Variants in CENPW observed in about 807,000 individuals in gnomAD.
The protein encoded by CENPW is cancer-up-regulated gene 2 protein.
Under a neutral mutation model 11.1 loss-of-function variants are expected in CENPW, and 3 were observed. The ratio of observed to expected loss-of-function variants is 0.27; its 90% CI spans 0.12 to 0.70. CENPW has a LOEUF of 0.70. Ranked by LOEUF, CENPW falls within the 30% of genes least tolerant of loss-of-function variation. The pLI, the probability that CENPW is intolerant of heterozygous loss-of-function variation, is 0.77. For synonymous variants in CENPW, 38 were observed against 42.0 expected (o/e 0.91, Z 0.37); for missense variants, 100 against 105.6 (o/e 0.95, Z 0.23).
At chr6:126,384,317 C>T in the CENPW span, among the ~76,000 whole-genome samples, 162 of 152,006 alleles carry the variant, frequency 1.1e-3, 1 homozygote, top group African/African-American at 3.6e-3. Flanking sequence ...AGTCTAATAG[C>T]GAAGGCCATC....
At chr6:126,345,029 G>A (rs572264478) in intron 1 of CENPW, among the ~76,000 whole-genome samples, 47 of 152,154 alleles carry the variant, frequency 3.1e-4, no homozygotes, top group African/African-American at 1.0e-3. Context: ...AAAGGATGGG[G>A]AAGATATGTG....
At chr6:126,379,940 G>T in the CENPW span, among the ~76,000 whole-genome samples, 1 of 152,022 alleles carries the variant, frequency 6.6e-6, no homozygotes, top group South Asian at 2.1e-4. Context: ...CCCATAAATT[G>T]TCTGAAGCTT....
chr6:126,454,179 C>T, the CENPW span, among the ~76,000 whole-genome samples: 1 of 151,266 alleles, frequency 6.6e-6, no homozygotes, highest in Admixed American at 6.6e-5. Context: ...AGAAAACTAA[C>T]ACAGATATTT....
chr6:126,422,342 A>G, the CENPW span, among the ~76,000 whole-genome samples: 1 of 152,078 alleles, frequency 6.6e-6, no homozygotes, highest in Non-Finnish European at 1.5e-5. Flanking sequence ...AGCTTAAACT[A>G]CTGAAATTAA....
the CENPW span, among the ~76,000 whole-genome samples, chr6:126,458,659 T>C: frequency 6.6e-6 from 1 of 151,140 alleles, no homozygotes; most frequent in Admixed American, 6.6e-5. Flanking sequence ...AGAGAATAAA[T>C]TTGCTTATAA....
the CENPW span, among the ~76,000 whole-genome samples, chr6:126,391,018 G>T: frequency 6.6e-6 from 1 of 151,630 alleles, no homozygotes; most frequent in Non-Finnish European, 1.5e-5. Flanking sequence ...CAATATTATA[G>T]CTGTATTGCT....
the CENPW span, among the ~76,000 whole-genome samples, chr6:126,462,095 T>A: frequency 6.6e-6 from 1 of 151,996 alleles, no homozygotes; most frequent in Non-Finnish European, 1.5e-5. Flanking sequence ...GGATTGTTCA[T>A]AAATATTGAG....
chr6:126,383,788 C>G, the CENPW span, among the ~76,000 whole-genome samples: 33,718 of 152,040 alleles, frequency 0.22, 4,384 homozygotes, highest in Non-Finnish European at 0.3. Context: ...TTCTTATAGA[C>G]CTGCAGAGAG....
the CENPW span, among the ~76,000 whole-genome samples, chr6:126,445,316 A>C: frequency 6.6e-6 from 1 of 151,164 alleles, no homozygotes; most frequent in African/African-American, 2.4e-5. Flanking sequence ...ATTCAGCTAC[A>C]GATGTTGGCC....
the CENPW span, among the ~76,000 whole-genome samples, chr6:126,455,717 C>A: frequency 6.6e-6 from 1 of 151,240 alleles, no homozygotes; most frequent in African/African-American, 2.4e-5. Flanking sequence ...AAGTCAAAGC[C>A]AGGGCAATCA....
At chr6:126,462,532 T>A in the CENPW span, among the ~76,000 whole-genome samples, 64,331 of 110,942 alleles carry the variant, frequency 0.58, 15,719 homozygotes, top group Non-Finnish European at 0.64. Flanking sequence ...TCTCTCTCTC[T>A]CACACACACA....
the CENPW span, among the ~76,000 whole-genome samples, chr6:126,466,019 A>G: frequency 6.6e-6 from 1 of 152,124 alleles, no homozygotes; most frequent in East Asian, 1.9e-4. Context: ...TAGGATGTAT[A>G]GTGGAAGGTT....
chr6:126,439,335 A>G, the CENPW span, among the ~76,000 whole-genome samples: 1 of 151,622 alleles, frequency 6.6e-6, no homozygotes, highest in Admixed American at 6.6e-5. Context: ...AGGGATGAAA[A>G]TATTCTCCAG....
the CENPW span, among the ~76,000 whole-genome samples, chr6:126,394,319 A>T: frequency 6.6e-6 from 1 of 151,414 alleles, no homozygotes; most frequent in Non-Finnish European, 1.5e-5. Context: ...TAGGTTTGAG[A>T]TTACCATAAG....
At chr6:126,354,387 G>A in the CENPW span, among the ~76,000 whole-genome samples, 1 of 152,046 alleles carries the variant, frequency 6.6e-6, no homozygotes, top group African/African-American at 2.4e-5. Flanking sequence ...TTTGACATGT[G>A]AGAATGCCAA....
At chr6:126,340,549 C>A in intron 1 of CENPW, 150 bp downstream of exon 1, 1 of 1,079,470 alleles carries the variant, frequency 9.3e-7, no homozygotes. Flanking sequence ...GAACGTATGC[C>A]CCACCCTGGC....
the CENPW span, among the ~76,000 whole-genome samples, chr6:126,402,221 C>T: frequency 6.6e-6 from 1 of 150,876 alleles, no homozygotes; most frequent in East Asian, 1.9e-4. Flanking sequence ...ATCCAGATTA[C>T]CCTCCCTTCC....
the CENPW span, among the ~76,000 whole-genome samples, chr6:126,469,356 C>T: frequency 6.6e-6 from 1 of 152,208 alleles, no homozygotes; most frequent in Non-Finnish European, 1.5e-5. Flanking sequence ...GCTTCCCCTC[C>T]ATCTTCTGCC....
the CENPW span, among the ~76,000 whole-genome samples, chr6:126,390,665 C>T: frequency 2.6e-5 from 4 of 151,816 alleles, no homozygotes; most frequent in Admixed American, 1.3e-4. Context: ...TTCCAACCAT[C>T]TCCATGAGTT....
Sources: allele counts gnomAD v4.1 joint callset (sites outside exome capture counted in the v4.1 genomes callset), GRCh38; gene constraint gnomAD v4.1.1; transcripts MANE v1.5; gene names NCBI Gene and HGNC (gene_info 2026-07-23, HGNC 2026-07-21).